The following KSR1 variants were observed in gnomAD, a reference collection of about 807,000 sequenced individuals.
The protein encoded by KSR1 is kinase suppressor of ras.
Under a neutral mutation model 92.9 loss-of-function variants are expected in KSR1, and 35 were observed. The observed-to-expected ratio is 0.38, with a 90% CI of 0.29 to 0.50. KSR1 has a LOEUF of 0.50. Ranked by LOEUF, KSR1 falls within the 20% of genes least tolerant of loss-of-function variation. The pLI, the probability that KSR1 is intolerant of heterozygous loss-of-function variation, is 0.94. For missense variants in KSR1, 972 were observed against 1,158.5 expected, an observed-to-expected ratio of 0.84 and a Z score of 2.34; for synonymous variants, 467 against 472.6, an observed-to-expected ratio of 0.99 and a Z score of 0.15.
At chr17:27,537,573 C>T (rs1039525569) in intron 1 of KSR1, among the ~76,000 whole-genome samples, 47 of 152,082 alleles carry the variant, frequency 3.1e-4, no homozygotes, top group African/African-American at 8.9e-4. Context: ...CACCTGTAAT[C>T]GCAGCTACTT....
At chr17:27,584,682 C>G (rs2072902105) in intron 4 of KSR1, among the ~76,000 whole-genome samples, 1 of 152,196 alleles carries the variant, frequency 6.6e-6, no homozygotes, top group Non-Finnish European at 1.5e-5. Flanking sequence ...GACTGAGCCT[C>G]AGACCCTGGG....
At chr17:27,575,466 T>C (rs2072469562) in intron 2 of KSR1, among the ~76,000 whole-genome samples, 1 of 152,202 alleles carries the variant, frequency 6.6e-6, no homozygotes. Context: ...CAGAGGTCAC[T>C]TGGGATACCA....
At chr17:27,488,703 C>T (rs1391678449) in intron 1 of KSR1, among the ~76,000 whole-genome samples, 1 of 152,102 alleles carries the variant, frequency 6.6e-6, no homozygotes, top group Non-Finnish European at 1.5e-5. Context: ...CAGTGGCTCA[C>T]GCCTGTAATC....
intron 2 of KSR1, among the ~76,000 whole-genome samples, chr17:27,562,477 C>T (rs1369734867): frequency 6.6e-6 from 1 of 152,180 alleles, no homozygotes; most frequent in East Asian, 1.9e-4. Flanking sequence ...AGGCTTCTGT[C>T]GGCCACAGAA....
intron 1 of KSR1, among the ~76,000 whole-genome samples, chr17:27,534,954 G>C (rs905253881): frequency 6.6e-6 from 1 of 152,284 alleles, no homozygotes; most frequent in Non-Finnish European, 1.5e-5. Context: ...TTATTTAGTG[G>C]AGATGGCTGT....
chr17:27,467,932 C>T (rs1245812260), intron 1 of KSR1, among the ~76,000 whole-genome samples: 1 of 151,938 alleles, frequency 6.6e-6, no homozygotes, highest in African/African-American at 2.4e-5. Flanking sequence ...CTGCCACAGC[C>T]TCCCGAGTAG....
intron 1 of KSR1, among the ~76,000 whole-genome samples, chr17:27,474,005 A>G (rs898054672): frequency 2.6e-5 from 4 of 152,248 alleles, no homozygotes; most frequent in African/African-American, 9.6e-5. Context: ...ATACCTGTGT[A>G]CAGCCAGCCA....
intron 1 of KSR1, among the ~76,000 whole-genome samples, chr17:27,498,118 T>G (rs2069052287): frequency 6.6e-6 from 1 of 152,044 alleles, no homozygotes; most frequent in Admixed American, 6.6e-5. Flanking sequence ...TCACTTGAGG[T>G]CAGGAGTTCG....
intron 20 of KSR1, chr17:27,622,033 A>C: frequency 2.7e-6 from 3 of 1,114,078 alleles, no homozygotes; most frequent in Non-Finnish European, 4.1e-6. Flanking sequence ...GCGGGCACTA[A>C]CCCAGGGGAT....
intron 4 of KSR1, 29 bp downstream of exon 4, chr17:27,583,134 A>C: frequency 7.0e-7 from 1 of 1,425,296 alleles, no homozygotes; most frequent in Non-Finnish European, 9.4e-7. Flanking sequence ...CAGCTACCAA[A>C]AGTGCCCTCT....
intron 1 of KSR1, among the ~76,000 whole-genome samples, chr17:27,537,859 C>A (rs747684495): frequency 2.0e-5 from 3 of 152,130 alleles, no homozygotes; most frequent in Non-Finnish European, 2.9e-5. Context: ...AATAACTCAA[C>A]GTGCATCAAA....
intron 2 of KSR1, among the ~76,000 whole-genome samples, chr17:27,569,334 C>G (rs571180984): frequency 3.3e-5 from 5 of 152,102 alleles, no homozygotes; most frequent in African/African-American, 1.2e-4. Context: ...CACACAGGAG[C>G]CTGGTTTTAG....
intron 14 of KSR1, among the ~76,000 whole-genome samples, chr17:27,607,085 GC>G (rs1285944064): frequency 6.6e-6 from 1 of 152,156 alleles, no homozygotes; most frequent in African/African-American, 2.4e-5. Context: ...GCCCACCTCA[GC>G]CTCCCAAAGT....
At chr17:27,616,688 C>T (rs949468940) in intron 18 of KSR1, among the ~76,000 whole-genome samples, 5 of 152,170 alleles carry the variant, frequency 3.3e-5, no homozygotes, top group African/African-American at 7.2e-5. Flanking sequence ...AGAAATAGGC[C>T]TTTCCTCACA....
intron 1 of KSR1, among the ~76,000 whole-genome samples, chr17:27,501,852 C>T (rs886763325): frequency 9.2e-5 from 14 of 152,212 alleles, no homozygotes; most frequent in African/African-American, 3.4e-4. Context: ...AAATACTTTC[C>T]ATACATTGTC....
intron 1 of KSR1, among the ~76,000 whole-genome samples, chr17:27,473,537 G>A (rs962556153): frequency 1.3e-5 from 2 of 152,206 alleles, no homozygotes; most frequent in African/African-American, 4.8e-5. Context: ...AGCCTGTAGG[G>A]CTGGGGTTTG....
chr17:27,585,898 C>T lies in KSR1; in HGVS notation c.985+237C>T, dbSNP rs541429195. ...CTCTGAGAATCAGAGACCTTGAGCACATCTCAGCCCACAGGCAGCCCCATG... is the reference window on the plus strand; with the variant it reads ...CTCTGAGAATCAGAGACCTTGAGCATATCTCAGCCCACAGGCAGCCCCATG... On this transcript the variant is annotated intron_variant, in intron 5 of 20. Coordinates refer to ENST00000644974, the MANE Select transcript of KSR1 (RefSeq NM_001394583.1). The T allele has an allele frequency of 1.3e-4, 74 of 576,198 alleles. 2 individuals carry two copies. In the South Asian group the frequency reaches 1.5e-3, roughly 12 times the overall value. The allele number at this position is 576,198 out of a possible 1,614,324, so 35.7% of individuals were successfully genotyped here.
intron 1 of KSR1, among the ~76,000 whole-genome samples, chr17:27,495,807 G>T (rs2068966471): frequency 6.6e-6 from 1 of 152,148 alleles, no homozygotes; most frequent in Admixed American, 6.5e-5. Flanking sequence ...TTGATCAGGT[G>T]CAAACATGCT....
intron 2 of KSR1, among the ~76,000 whole-genome samples, chr17:27,572,004 G>A (rs570736446): frequency 2.2e-4 from 33 of 152,282 alleles, no homozygotes; most frequent in African/African-American, 7.2e-4. Flanking sequence ...GGCCTGTGAC[G>A]CCAGCCTCTG....
Sources: gnomAD v4.1 joint callset for allele counts (sites outside exome capture counted in the v4.1 genomes callset) on GRCh38, gnomAD v4.1.1 for gene constraint, MANE v1.5 for transcripts, NCBI Gene and HGNC (gene_info 2026-07-23, HGNC 2026-07-21) for gene names.